STARD13: variants seen among roughly 807,000 people sequenced by gnomAD.
STARD13 encodes stAR-related lipid transfer protein 13.
STARD13 carries 62 observed loss-of-function variants against 106.4 expected under a neutral mutation model. That is an observed-to-expected ratio of 0.58 (90% CI 0.48 to 0.72). The LOEUF is 0.72. STARD13 is among the 30% of genes least tolerant of loss of function. The pLI is 0.00. For missense variants in STARD13, 1,387 were observed against 1,424.0 expected (o/e 0.97, Z 0.42); for synonymous variants, 565 against 553.0 (o/e 1.02, Z -0.31).
intron 8 of STARD13, chr13:33,113,201 C>T (rs2138079163): frequency 2.0e-6 from 1 of 491,684 alleles, no homozygotes; most frequent in East Asian, 3.6e-5. Context: ...GGGGCACCAC[C>T]ATCCTGGTTT....
the STARD13 span, among the ~76,000 whole-genome samples, chr13:33,631,653 G>T: frequency 0.035 from 5,315 of 151,692 alleles, 122 homozygotes; most frequent in African/African-American, 0.065. Flanking sequence ...AAATGTCTAT[G>T]ATAGTTATAT....
chr13:33,239,592 T>A (rs1023533436), intron 1 of STARD13, among the ~76,000 whole-genome samples: 2 of 152,180 alleles, frequency 1.3e-5, no homozygotes, highest in Non-Finnish European at 2.9e-5. Flanking sequence ...CCTATGAATA[T>A]GAGGTGATAT....
At chr13:33,455,200 G>A in the STARD13 span, among the ~76,000 whole-genome samples, 3 of 152,210 alleles carry the variant, frequency 2.0e-5, no homozygotes, top group Admixed American at 6.5e-5. Context: ...CTGCCAACAG[G>A]AGGATGCTGA....
intron 3 of STARD13, among the ~76,000 whole-genome samples, chr13:33,164,580 A>G (rs1176735567): frequency 6.6e-6 from 1 of 152,178 alleles, no homozygotes; most frequent in African/African-American, 2.4e-5. Context: ...GAAACTTCAA[A>G]TTCCTACAGA....
chr13:33,495,877 A>T, the STARD13 span, among the ~76,000 whole-genome samples: 2 of 145,004 alleles, frequency 1.4e-5, no homozygotes, highest in African/African-American at 5.0e-5. Flanking sequence ...TTATATAATG[A>T]TTACATATAA....
At chr13:33,499,615 T>C in the STARD13 span, among the ~76,000 whole-genome samples, 46 of 84,552 alleles carry the variant, frequency 5.4e-4, no homozygotes, top group African/African-American at 1.3e-3. Flanking sequence ...TTCTTCTTCT[T>C]CTTCTTCTTC....
At chr13:33,151,308 T>C (rs1394334906) in intron 3 of STARD13, among the ~76,000 whole-genome samples, 1 of 152,138 alleles carries the variant, frequency 6.6e-6, no homozygotes, top group Non-Finnish European at 1.5e-5. Flanking sequence ...GAGCATGGTG[T>C]TGGCCTCTGC....
the STARD13 span, among the ~76,000 whole-genome samples, chr13:33,608,948 T>C: frequency 6.6e-6 from 1 of 151,178 alleles, no homozygotes; most frequent in Non-Finnish European, 1.5e-5. Context: ...TAGCCGGGCG[T>C]GGTGGCGGGC....
At chr13:33,445,053 A>T in the STARD13 span, among the ~76,000 whole-genome samples, 1 of 152,180 alleles carries the variant, frequency 6.6e-6, no homozygotes, top group African/African-American at 2.4e-5. Context: ...AACCATAAAA[A>T]CATTCAGATA....
the STARD13 span, among the ~76,000 whole-genome samples, chr13:33,603,437 A>G: frequency 6.6e-6 from 1 of 152,128 alleles, no homozygotes; most frequent in African/African-American, 2.4e-5. Flanking sequence ...CCCCTAACAT[A>G]CATAACGCTG....
chr13:33,533,432 G>C, the STARD13 span, among the ~76,000 whole-genome samples: 4 of 152,152 alleles, frequency 2.6e-5, no homozygotes, highest in Non-Finnish European at 5.9e-5. Context: ...TGTGCCAAAA[G>C]GTAACCAGAG....
At chr13:33,221,170 T>G (rs1435022565) in intron 1 of STARD13, among the ~76,000 whole-genome samples, 1 of 152,156 alleles carries the variant, frequency 6.6e-6, no homozygotes, top group East Asian at 1.9e-4. Flanking sequence ...AAATATATAT[T>G]TATGCAACCA....
the STARD13 span, among the ~76,000 whole-genome samples, chr13:33,620,196 T>C: frequency 6.6e-6 from 1 of 151,794 alleles, no homozygotes; most frequent in Non-Finnish European, 1.5e-5. Flanking sequence ...ATACAGCAAA[T>C]TTGAAAAATG....
the STARD13 span, among the ~76,000 whole-genome samples, chr13:33,378,512 C>T: frequency 1.4e-3 from 207 of 152,252 alleles, 5 homozygotes; most frequent in East Asian, 0.03. Flanking sequence ...CAGGCGTGGT[C>T]GGGCGCAGTG....
the STARD13 span, among the ~76,000 whole-genome samples, chr13:33,482,227 A>G: frequency 4.7e-4 from 71 of 152,330 alleles, 1 homozygote; most frequent in Admixed American, 3.7e-3. Context: ...CAGTATCGGC[A>G]TGAGTCAGTA....
At chr13:33,578,906 C>T in the STARD13 span, among the ~76,000 whole-genome samples, 6 of 152,140 alleles carry the variant, frequency 3.9e-5, no homozygotes, top group South Asian at 4.2e-4. Context: ...AAATGCTCAG[C>T]GTCACTAATC....
At chr13:33,301,898 T>C (rs56880866) in intron 1 of STARD13, among the ~76,000 whole-genome samples, 1,828 of 152,184 alleles carry the variant, frequency 0.012, 35 homozygotes, top group African/African-American at 0.041. Flanking sequence ...TTAGAAAGAC[T>C]GGACTTGCCC....
intron 3 of STARD13, among the ~76,000 whole-genome samples, chr13:33,163,330 T>C (rs569763738): frequency 3.1e-4 from 47 of 151,902 alleles, no homozygotes; most frequent in Non-Finnish European, 5.7e-4. Flanking sequence ...CTCACACCTG[T>C]AATCCCAGCA....
At chr13:33,630,811 C>T in the STARD13 span, among the ~76,000 whole-genome samples, 1 of 152,244 alleles carries the variant, frequency 6.6e-6, no homozygotes, top group South Asian at 2.1e-4. Context: ...TCCTCCTTCA[C>T]CTTCCCTCAT....
Sources: gnomAD v4.1 joint callset for allele counts (sites outside exome capture counted in the v4.1 genomes callset) on GRCh38, gnomAD v4.1.1 for gene constraint, MANE v1.5 for transcripts, NCBI Gene and HGNC (gene_info 2026-07-23, HGNC 2026-07-21) for gene names.